SAMSN1: variants seen among roughly 807,000 people sequenced by gnomAD.
SAMSN1 encodes SAM domain, SH3 domain and nuclear localization signals 1.
In SAMSN1, 31 loss-of-function variants were observed where a neutral mutation model predicts 42.0. The observed-to-expected ratio is 0.74, with a 90% confidence interval of 0.55 to 1.00. The LOEUF is 1.00. SAMSN1 is among the 50% of genes least tolerant of loss of function. SAMSN1 has a pLI of 0.00. For synonymous variants in SAMSN1, 178 were observed against 151.9 expected, an observed-to-expected ratio of 1.17 and a Z score of -1.26; for missense variants, 464 against 439.4, an observed-to-expected ratio of 1.06 and a Z score of -0.50.
intron 1 of SAMSN1, among the ~76,000 whole-genome samples, chr21:14,647,033 A>T (rs147084413): frequency 2.0e-4 from 30 of 152,306 alleles, no homozygotes; most frequent in African/African-American, 6.7e-4. Flanking sequence ...CAACCCGAAA[A>T]CAAGTAATAA....
chr21:14,487,453 T>C (rs747147343), intron 7 of SAMSN1, among the ~76,000 whole-genome samples: 8 of 152,144 alleles, frequency 5.3e-5, no homozygotes, highest in Non-Finnish European at 8.8e-5. Flanking sequence ...CAACTTCCAT[T>C]ATAAATGAGA....
At chr21:14,601,584 T>C (rs1267619173) in intron 6 of SAMSN1, among the ~76,000 whole-genome samples, 1 of 152,212 alleles carries the variant, frequency 6.6e-6, no homozygotes, top group Non-Finnish European at 1.5e-5. Flanking sequence ...GGCCATTGAT[T>C]AATGTTACAT....
chr21:14,573,843 A>G lies in SAMSN1; in HGVS notation c.261+8293T>C, dbSNP rs1981379358. Reference sequence around the variant, plus strand: ...ATCCTACTATGACAGAGCTAAGCTCATAGCTGACTCTTCTGGCTTTGAGCA... The same window carrying G: ...ATCCTACTATGACAGAGCTAAGCTCGTAGCTGACTCTTCTGGCTTTGAGCA... On this transcript the variant is annotated intron_variant, in intron 2 of 8. Transcript: ENST00000285670. Among the ~76,000 whole-genome samples, 3 of 152,340 alleles carry G rather than the reference A, an allele frequency of 2.0e-5. No homozygotes were observed. In the South Asian group the frequency reaches 6.2e-4, roughly 32 times the overall value.
intron 1 of SAMSN1, among the ~76,000 whole-genome samples, chr21:14,531,721 T>C (rs552974669): frequency 1.3e-4 from 20 of 152,328 alleles, no homozygotes; most frequent in African/African-American, 4.6e-4. Flanking sequence ...GAGGCAAACA[T>C]TTATAGTACT....
intron 1 of SAMSN1, among the ~76,000 whole-genome samples, chr21:14,531,261 G>A (rs1233607057): frequency 6.6e-6 from 1 of 151,950 alleles, no homozygotes; most frequent in Admixed American, 6.6e-5. Flanking sequence ...TTTGTAATAA[G>A]TGACTGATTT....
chr21:14,577,238 G>GTGTATATATATA (rs1248361790), intron 2 of SAMSN1, among the ~76,000 whole-genome samples: 1 of 28,178 alleles, frequency 3.5e-5, no homozygotes. Flanking sequence ...ATATATGTGT[G>GTGTATATATATA]TATATATATA....
intron 5 of SAMSN1, among the ~76,000 whole-genome samples, chr21:14,508,567 C>T (rs1987532138): frequency 6.6e-6 from 1 of 152,104 alleles, no homozygotes; most frequent in Admixed American, 6.5e-5. Flanking sequence ...CAGATGTTAG[C>T]ATGGATGTAC....
At chr21:14,551,766 C>T (rs867404382) in intron 2 of SAMSN1, among the ~76,000 whole-genome samples, 8 of 151,950 alleles carry the variant, frequency 5.3e-5, no homozygotes, top group African/African-American at 1.9e-4. Flanking sequence ...TCAATATAAT[C>T]TTCACAAAAA....
Position 14,521,231 on chromosome 21 carries a change from A to G in SAMSN1, c.58-10T>C. On this transcript the variant is annotated splice_polypyrimidine_tract_variant and intron_variant, in intron 1 of 7. Coordinates refer to ENST00000400566, the MANE Select transcript of SAMSN1 (RefSeq NM_022136.5). ...CAAAACTGCTGCTTCGCTATAAAAT[A>G]GAAAAGAAAAAGCAAAGGAAACTTA... The G allele has an allele frequency of 1.3e-6, 2 of 1,598,834 alleles. No individual in the cohort carries two copies. The highest frequency in any genetic ancestry group is 2.2e-5 in the South Asian group (2 of 89,222).
chr21:14,549,707 C>T (rs1980537004), upstream of SAMSN1, among the ~76,000 whole-genome samples: 1 of 152,080 alleles, frequency 6.6e-6, no homozygotes, highest in Non-Finnish European at 1.5e-5. Context: ...GAAAAAAGAA[C>T]TGTATTCCAT....
In SAMSN1 at chr21:14,611,240, C is replaced by T. The variant is rs142989403; in HGVS notation, c.235+1636G>A. Among the ~76,000 whole-genome samples, 315 of 152,266 alleles carry T rather than the reference C, an allele frequency of 2.1e-3. 1 individual carries two copies. The highest frequency in any genetic ancestry group is 3.7e-3 in the Non-Finnish European group (251 of 68,028). ...ATTGGGCTGTGATAGTTTCAAGAAA[C>T]TCTAAGATCCTTGAATGGAATATAA... On this transcript the variant is annotated intron_variant, in intron 4 of 15. Transcript: ENST00000647101.
intron 7 of SAMSN1, among the ~76,000 whole-genome samples, chr21:14,488,765 G>A (rs945274872): frequency 5.0e-4 from 76 of 152,086 alleles, no homozygotes; most frequent in African/African-American, 1.3e-3. Flanking sequence ...TATGCAGCAC[G>A]GTAATTTACA....
At chr21:14,568,922 C>G (rs1981202158) in intron 2 of SAMSN1, among the ~76,000 whole-genome samples, 1 of 152,036 alleles carries the variant, frequency 6.6e-6, no homozygotes, top group South Asian at 2.1e-4. Flanking sequence ...TCATTTCACA[C>G]AAAAATGCAC....
At chr21:14,613,785 T>A (rs1982767658) in intron 3 of SAMSN1, among the ~76,000 whole-genome samples, 1 of 152,064 alleles carries the variant, frequency 6.6e-6, no homozygotes, top group South Asian at 2.1e-4. Context: ...ATGCAGTCAC[T>A]GAAGACCAAC....
intron 5 of SAMSN1, 66 bp downstream of exon 5, chr21:14,510,244 C>A (rs1379790427): frequency 3.0e-5 from 45 of 1,507,202 alleles, no homozygotes; most frequent in Non-Finnish European, 3.8e-5. Flanking sequence ...CTTATACTTG[C>A]TGAAACAGAT....
exon 1 of SAMSN1, chr21:14,658,786 C>T (rs1600988037): frequency 2.8e-6 from 2 of 715,528 alleles, no homozygotes; most frequent in Non-Finnish European, 5.2e-6. Context: ...ACCAGCTTCA[C>T]TCTCTTGTTG....
At chr21:14,587,391 T>C (rs985805295), upstream of SAMSN1, among the ~76,000 whole-genome samples, 1 of 152,208 alleles carries the variant, frequency 6.6e-6, no homozygotes, top group African/African-American at 2.4e-5. Flanking sequence ...TATTCAGCAA[T>C]GTTGACCACA....
chr21:14,574,957 G>C (rs986460262), intron 2 of SAMSN1, among the ~76,000 whole-genome samples: 1 of 152,180 alleles, frequency 6.6e-6, no homozygotes, highest in African/African-American at 2.4e-5. Context: ...GTACTACAAA[G>C]TGTTTGCCAT....
chr21:14,582,217 T>G (rs1026081799), exon 2 of SAMSN1: 25 of 1,550,688 alleles, frequency 1.6e-5, no homozygotes, highest in Non-Finnish European at 2.1e-5. Flanking sequence ...GGTCCCAGGG[T>G]CCAACTTGTG....
Sources: allele counts gnomAD v4.1 joint callset (sites outside exome capture counted in the v4.1 genomes callset), GRCh38; gene constraint gnomAD v4.1.1; transcripts MANE v1.5; gene names NCBI Gene and HGNC (gene_info 2026-07-23, HGNC 2026-07-21).